Variants in STOM observed in about 807,000 individuals in gnomAD.
STOM encodes stomatin.
In STOM, 25 loss-of-function variants were observed where a neutral mutation model predicts 30.6. That is an observed-to-expected ratio of 0.82 (90% CI 0.60 to 1.14). The LOEUF (loss-of-function observed/expected upper bound fraction) is 1.14, where lower values mean the gene tolerates loss of function less well. Ranked by LOEUF, STOM falls within the 50% of genes most tolerant of loss-of-function variation. The pLI, the probability that STOM is intolerant of heterozygous loss-of-function variation, is 0.00. For missense variants in STOM, 292 were observed against 365.2 expected (o/e 0.80, Z 1.63); for synonymous variants, 118 against 130.8 (o/e 0.90, Z 0.67).
Position 121,348,118 on chromosome 9 carries a change from C to A in STOM, c.557G>T (p.Gly186Val). The A allele has an allele frequency of 6.2e-7, 1 of 1,614,170 alleles. No individual in the cohort carries two copies. Among genetic ancestry groups the A allele is most frequent in the South Asian group, 1.1e-5 (1 of 91,084 alleles). The change falls in exon 6 of 7, where the codon GGA becomes GTA. Residue 186 changes from glycine (G) to valine (V), a missense_variant. By Grantham distance (109) the Gly-to-Val change is moderately radical (BLOSUM62 -3). Transcript: ENST00000286713. ...STLDDATDAW[G>V]IKVERVEIKD... ...AATTTCCACACGCTCCACCTTTATT[C>A]CCCAGGCATCAGTGGCATCATCCAG...
chr9:121,353,544 G>A (rs746101183), intron 3 of STOM, among the ~76,000 whole-genome samples: 26 of 152,018 alleles, frequency 1.7e-4, no homozygotes, highest in Middle Eastern at 3.4e-3. Flanking sequence ...TCTCCCCACC[G>A]CCCCACTGGG....
chr9:121,354,382 CG>C (rs1296134906), intron 3 of STOM, among the ~76,000 whole-genome samples: 1 of 151,956 alleles, frequency 6.6e-6, no homozygotes, highest in Non-Finnish European at 1.5e-5. Context: ...AGACTGGGCA[CG>C]GTGGCTCACG....
chr9:121,342,659 A>G (rs957511011), intron 6 of STOM, among the ~76,000 whole-genome samples: 7 of 152,200 alleles, frequency 4.6e-5, no homozygotes. Flanking sequence ...AATCATTATT[A>G]TTTCTCATTG....
intron 6 of STOM, among the ~76,000 whole-genome samples, chr9:121,344,809 C>A (rs962400204): frequency 2.0e-5 from 3 of 152,048 alleles, no homozygotes; most frequent in Admixed American, 1.3e-4. Flanking sequence ...AAACATGAGC[C>A]CAAAAGCATG....
chr9:121,339,467 A>G lies in STOM; in HGVS notation c.*1735T>C, dbSNP rs1232830645. 1 of 1,114,266 alleles carries G rather than the reference A, an allele frequency of 9.0e-7. No homozygotes were observed. Among genetic ancestry groups the G allele is most frequent in the Non-Finnish European group, 1.1e-6 (1 of 884,662 alleles). 69.0% of individuals were successfully genotyped at this position (1,114,266 alleles called of 1,614,324 possible). The stretch of plus-strand genomic sequence containing the variant: ...TAAACTCAGCTAGGAGCCAGGATAC[A>G]TGGTAGTTCAAGGCTTCCTAAAATA... On this transcript the variant is annotated 3_prime_UTR_variant, in exon 7 of 7. Coordinates refer to ENST00000286713, the MANE Select transcript of STOM (RefSeq NM_004099.6).
At position 121,339,497 on chromosome 9, in the gene STOM, T is replaced by G; in HGVS notation, c.*1705A>C. 1.6e-6 allele frequency: 2 copies of G among 1,217,026 alleles called. No homozygotes were observed. The highest frequency in any genetic ancestry group is 2.0e-6 in the Non-Finnish European group (2 of 976,822). The allele number at this position is 1,217,026 out of a possible 1,614,324, so 75.4% of individuals were successfully genotyped here. A position where few individuals can be genotyped will look rare whatever the true frequency, so the allele number is the denominator to read the frequency against. ...AGTTCAAGGCTTCCTAAAATAAGCTTGAAATTGGGGTACAGGGGAAGGGAC... is the reference window on the plus strand; with the variant it reads ...AGTTCAAGGCTTCCTAAAATAAGCTGGAAATTGGGGTACAGGGGAAGGGAC... On this transcript the variant is annotated 3_prime_UTR_variant, in exon 7 of 7. Transcript: ENST00000286713.
chr9:121,366,161 T>C (rs2064501211), intron 1 of STOM: 2 of 985,406 alleles, frequency 2.0e-6, no homozygotes, highest in Non-Finnish European at 2.4e-6. Flanking sequence ...ATAGTTTTCA[T>C]TGTCTGAGAC....
At chr9:121,365,141 G>T (rs980534443) in intron 1 of STOM, among the ~76,000 whole-genome samples, 2 of 145,544 alleles carry the variant, frequency 1.4e-5, no homozygotes, top group African/African-American at 2.5e-5. Flanking sequence ...TTGGGGAAAA[G>T]AAAAAAAAAA....
At position 121,341,297 on chromosome 9, in the gene STOM, T is replaced by G; in HGVS notation, c.772A>C (p.Thr258Pro). The change falls in exon 7 of 7, where the codon ACC becomes CCC. Residue 258 changes from threonine (T) to proline (P), a missense_variant. By Grantham distance (38) the Thr-to-Pro change is conservative. Transcript: ENST00000286713. Reference sequence around the variant, plus strand: ...GTTGAGTTTTTCTCAGCAGCAATGGTGGTCAGTGTCTGCAGGTATCGGAGC... The same window carrying G: ...GTTGAGTTTTTCTCAGCAGCAATGGGGGTCAGTGTCTGCAGGTATCGGAGC... The part of the protein sequence containing the change: ...LQLRYLQTLT[T>P]IAAEKNSTIV... 6.2e-7 allele frequency: 1 copy of G among 1,614,152 alleles called. No homozygotes were observed. Among genetic ancestry groups the G allele is most frequent in the Non-Finnish European group, 8.5e-7 (1 of 1,180,032 alleles).
intron 1 of STOM, among the ~76,000 whole-genome samples, chr9:121,369,525 C>T (rs1480903301): frequency 1.3e-5 from 2 of 151,902 alleles, no homozygotes; most frequent in Non-Finnish European, 2.9e-5. Context: ...GAACAAAAGC[C>T]GGGAAGGAGA....
intron 1 of STOM, among the ~76,000 whole-genome samples, chr9:121,358,334 C>T (rs1362606094): frequency 6.6e-6 from 1 of 151,798 alleles, no homozygotes; most frequent in Non-Finnish European, 1.5e-5. Context: ...TGTGGTGGCA[C>T]ACACCTGTAG....
intron 1 of STOM, among the ~76,000 whole-genome samples, chr9:121,366,477 AT>A (rs1340897948): frequency 6.6e-5 from 10 of 152,320 alleles, no homozygotes; most frequent in African/African-American, 2.4e-4. Context: ...ACAATATATT[AT>A]CTTGGCAATT....
chr9:121,356,006 G>C (rs1202589577), intron 2 of STOM, 47 bp downstream of exon 2: 4 of 1,474,042 alleles, frequency 2.7e-6, no homozygotes, highest in Non-Finnish European at 3.8e-6. Context: ...TAGGTTTATG[G>C]AGGTAGGAGT....
chr9:121,355,387 CAAAAA>C (rs36030273), intron 2 of STOM, among the ~76,000 whole-genome samples: 1 of 96,052 alleles, frequency 1.0e-5, no homozygotes, highest in African/African-American at 3.6e-5. Context: ...GGCTCTGGCT[CAAAAA>C]AAAAAAAAAA....
chr9:121,348,274 A>C, intron 5 of STOM, 125 bp from the exon 6 acceptor site: 2 of 1,334,744 alleles, frequency 1.5e-6, no homozygotes, highest in African/African-American at 1.4e-5. Flanking sequence ...CAGTTACCCC[A>C]CGGTGGAACG....
intron 6 of STOM, among the ~76,000 whole-genome samples, chr9:121,343,756 T>C (rs2064266386): frequency 6.6e-6 from 1 of 151,990 alleles, no homozygotes; most frequent in African/African-American, 2.4e-5. Flanking sequence ...TGAAGGGCAG[T>C]GAGGGCCAGG....
intron 5 of STOM, 48 bp from the exon 6 acceptor site, chr9:121,348,197 A>G (rs1386786072): frequency 6.2e-7 from 1 of 1,612,838 alleles, no homozygotes; most frequent in East Asian, 2.2e-5. Flanking sequence ...CCCAGCCCAG[A>G]TGCTGACAGA....
At chr9:121,353,440 A>C (rs2064357074) in intron 3 of STOM, 138 bp from the exon 4 acceptor site, 1 of 475,198 alleles carries the variant, frequency 2.1e-6, no homozygotes, top group Non-Finnish European at 3.8e-6. Flanking sequence ...GCCAGGAATG[A>C]TAACTTTGAT....
chr9:121,357,146 AGCATCATTTATT>A (rs2064399652), intron 1 of STOM, among the ~76,000 whole-genome samples: 1 of 152,164 alleles, frequency 6.6e-6, no homozygotes, highest in Admixed American at 6.5e-5. Flanking sequence ...AGGTTTATGC[AGCATCATTTATT>A]GCCCACTTCC....
Sources: gnomAD v4.1 joint callset for allele counts (sites outside exome capture counted in the v4.1 genomes callset) on GRCh38, gnomAD v4.1.1 for gene constraint, MANE v1.5 for transcripts, NCBI Gene and HGNC (gene_info 2026-07-23, HGNC 2026-07-21) for gene names.